Variants in UTRN observed in about 807,000 individuals in gnomAD.
The protein encoded by UTRN is utrophin.
Under a neutral mutation model 463.9 loss-of-function variants are expected in UTRN, and 283 were observed. The ratio of observed to expected loss-of-function variants is 0.61; its 90% CI spans 0.55 to 0.67. The LOEUF (loss-of-function observed/expected upper bound fraction) is 0.67. UTRN is among the 30% of genes least tolerant of loss of function. The pLI, the probability that UTRN is intolerant of heterozygous loss-of-function variation, is 0.00. For synonymous variants in UTRN, 1,442 were observed against 1,431.5 expected, an observed-to-expected ratio of 1.01 and a Z score of -0.17; for missense variants, 3,922 against 4,084.3, an observed-to-expected ratio of 0.96 and a Z score of 1.08.
chr6:144,300,386 G>A (rs371929047), intron 2 of UTRN, among the ~76,000 whole-genome samples: 11 of 152,228 alleles, frequency 7.2e-5, no homozygotes, highest in Non-Finnish European at 1.3e-4. Flanking sequence ...CATGGTTCCC[G>A]GCCTCTTGTG....
At chr6:144,422,050 G>A (rs1408915080) in intron 4 of UTRN, 80 bp downstream of exon 4, 9 of 1,151,854 alleles carry the variant, frequency 7.8e-6, no homozygotes, top group Non-Finnish European at 1.1e-5. Context: ...ACCCATTAAA[G>A]TGAAAGTATC....
intron 10 of UTRN, among the ~76,000 whole-genome samples, chr6:144,437,215 A>G (rs1157760569): frequency 6.6e-6 from 1 of 151,996 alleles, no homozygotes; most frequent in Admixed American, 6.6e-5. Context: ...CAGCCTCCCA[A>G]AATGCTGGGA....
chr6:144,539,579 T>G (rs1797819049), intron 45 of UTRN, 136 bp downstream of exon 45: 1 of 878,598 alleles, frequency 1.1e-6, no homozygotes, highest in Non-Finnish European at 1.6e-6. Flanking sequence ...ATGTTTATAT[T>G]TTTTATCTGT....
At chr6:144,643,327 T>A (rs1777949999) in intron 51 of UTRN, among the ~76,000 whole-genome samples, 1 of 152,190 alleles carries the variant, frequency 6.6e-6, no homozygotes, top group African/African-American at 2.4e-5. Context: ...TGGAAAATAA[T>A]GTATTTTAAG....
intron 2 of UTRN, among the ~76,000 whole-genome samples, chr6:144,358,207 A>G (rs1016172362): frequency 3.9e-5 from 6 of 152,232 alleles, no homozygotes; most frequent in South Asian, 2.1e-4. Context: ...ACTACTCCTA[A>G]TATGACTGCT....
At chr6:144,603,324 AG>A (rs1226903089) in intron 51 of UTRN, among the ~76,000 whole-genome samples, 1 of 152,222 alleles carries the variant, frequency 6.6e-6, no homozygotes, top group Non-Finnish European at 1.5e-5. Flanking sequence ...GCTGGATCAA[AG>A]GTTATACATT....
intron 58 of UTRN, among the ~76,000 whole-genome samples, chr6:144,769,133 T>G (rs867131157): frequency 6.6e-6 from 1 of 152,046 alleles, no homozygotes; most frequent in Non-Finnish European, 1.5e-5. Context: ...GTTGTTATTT[T>G]GGGGGAAAAT....
intron 53 of UTRN, among the ~76,000 whole-genome samples, chr6:144,714,705 C>A (rs1371753454): frequency 6.6e-6 from 1 of 152,212 alleles, no homozygotes. Flanking sequence ...TTAAAACTTG[C>A]TTCAAGCATC....
intron 13 of UTRN, among the ~76,000 whole-genome samples, chr6:144,442,599 G>T (rs1404781443): frequency 6.6e-6 from 1 of 151,336 alleles, no homozygotes; most frequent in East Asian, 1.9e-4. Context: ...CGATTTACAT[G>T]CATGGTGGCA....
intron 3 of UTRN, among the ~76,000 whole-genome samples, chr6:144,411,420 C>T (rs1368358837): frequency 6.6e-6 from 1 of 152,056 alleles, no homozygotes; most frequent in Non-Finnish European, 1.5e-5. Flanking sequence ...AATTTGGAGT[C>T]AGAGCTTATT....
chr6:144,634,281 G>C (rs537431216), intron 51 of UTRN, among the ~76,000 whole-genome samples: 2 of 152,166 alleles, frequency 1.3e-5, no homozygotes, highest in Non-Finnish European at 2.9e-5. Flanking sequence ...GAGGAGCTTG[G>C]GTGAAGAAGT....
intron 53 of UTRN, among the ~76,000 whole-genome samples, chr6:144,724,645 A>G (rs559473642): frequency 3.3e-5 from 5 of 151,902 alleles, no homozygotes; most frequent in Non-Finnish European, 5.9e-5. Context: ...CTGCCTCTCT[A>G]GACTTGCCTG....
At chr6:144,512,556 CT>C (rs755830136) in intron 35 of UTRN, among the ~76,000 whole-genome samples, 56 of 143,734 alleles carry the variant, frequency 3.9e-4, no homozygotes, top group East Asian at 1.8e-3. Context: ...TATTTGTTCA[CT>C]TTTTTTTTTT....
chr6:144,591,833 T>A (rs1410207286), intron 51 of UTRN, among the ~76,000 whole-genome samples: 4 of 152,312 alleles, frequency 2.6e-5, no homozygotes, highest in African/African-American at 9.6e-5. Flanking sequence ...AAAAATTTTA[T>A]AAAATGAAGA....
At chr6:144,344,427 AACAG>A in intron 2 of UTRN, 9 of 1,129,938 alleles carry the variant, frequency 8.0e-6, no homozygotes, top group South Asian at 4.3e-5. Flanking sequence ...TGGTGACGGG[AACAG>A]ACAGCCTGTC....
At position 144,522,012 on chromosome 6, in the gene UTRN, A is replaced by G. The variant is rs757972243; in HGVS notation, c.5574A>G (p.Gln1858=). The change falls in exon 40 of 75, where the codon CAA becomes CAG. Residue 1858 remains glutamine (Q), a synonymous_variant. Transcript: ENST00000367545. ...CTATTCAACAGAGGAAAATGGGTCA[A>G]CTTGCTTCTGGAATTAGATCATCAC... is the stretch of plus-strand genomic sequence containing the variant. ...AIPIQQRKMG[Q]LASGIRSSLL... is the part of the protein sequence containing the mutation. 1.5e-5 allele frequency: 23 copies of G among 1,578,680 alleles called. No homozygotes were observed. The highest frequency in any genetic ancestry group is 1.7e-4 in the Middle Eastern group (1 of 5,988).
chr6:144,368,500 G>A (rs764847106), intron 2 of UTRN, among the ~76,000 whole-genome samples: 1 of 151,954 alleles, frequency 6.6e-6, no homozygotes, highest in Non-Finnish European at 1.5e-5. Flanking sequence ...AGCATGGCTG[G>A]GTGGCTCAGG....
chr6:144,651,506 C>T (rs1046216710), intron 51 of UTRN, among the ~76,000 whole-genome samples: 1 of 152,100 alleles, frequency 6.6e-6, no homozygotes, highest in Non-Finnish European at 1.5e-5. Flanking sequence ...GTTATTCTTT[C>T]TTTTTTATCC....
intron 51 of UTRN, among the ~76,000 whole-genome samples, chr6:144,677,117 A>C (rs1488450782): frequency 1.3e-5 from 2 of 152,124 alleles, no homozygotes; most frequent in South Asian, 2.1e-4. Flanking sequence ...AAAAAATTTC[A>C]ATTTAAGTTC....
Sources: allele counts gnomAD v4.1 joint callset (sites outside exome capture counted in the v4.1 genomes callset), GRCh38; gene constraint gnomAD v4.1.1; transcripts MANE v1.5; gene names NCBI Gene and HGNC (gene_info 2026-07-23, HGNC 2026-07-21).